Variants in LY86 observed in about 807,000 individuals in gnomAD.
LY86 encodes lymphocyte antigen 86.
In LY86, 20 loss-of-function variants were observed where a neutral mutation model predicts 17.3. The observed-to-expected ratio is 1.15, with a 90% CI of 0.81 to 1.68. The LOEUF is 1.68. Ranked by LOEUF, LY86 falls within the 40% of genes most tolerant of loss-of-function variation. The pLI, the probability that LY86 is intolerant of heterozygous loss-of-function variation, is 0.00. For synonymous variants in LY86, 74 were observed against 70.6 expected, an observed-to-expected ratio of 1.05 and a Z score of -0.24; for missense variants, 200 against 191.9, an observed-to-expected ratio of 1.04 and a Z score of -0.25.
intron 1 of LY86, among the ~76,000 whole-genome samples, chr6:6,613,020 G>C (rs1761427877): frequency 6.6e-6 from 1 of 152,112 alleles, no homozygotes; most frequent in Admixed American, 6.5e-5. Context: ...GTGCTGATTG[G>C]TGTATTTACA....
At chr6:6,637,015 T>G (rs1034913353) in intron 3 of LY86, among the ~76,000 whole-genome samples, 6 of 148,556 alleles carry the variant, frequency 4.0e-5, no homozygotes, top group African/African-American at 9.9e-5. Context: ...TTTTTTTTTT[T>G]TTTTTTTTTT....
At chr6:6,613,770 G>A (rs1761471152) in intron 1 of LY86, among the ~76,000 whole-genome samples, 1 of 152,234 alleles carries the variant, frequency 6.6e-6, no homozygotes, top group Non-Finnish European at 1.5e-5. Flanking sequence ...CCCCAAGAGC[G>A]AGCGAGGGCT....
chr6:6,589,550 C>A (rs537210596), intron 1 of LY86, among the ~76,000 whole-genome samples: 2 of 152,200 alleles, frequency 1.3e-5, no homozygotes, highest in Non-Finnish European at 2.9e-5. Context: ...CAGAACCAAC[C>A]AATCGGGCTG....
At chr6:6,603,868 G>A (rs1581234397) in intron 1 of LY86, among the ~76,000 whole-genome samples, 1 of 145,962 alleles carries the variant, frequency 6.9e-6, no homozygotes, top group African/African-American at 2.7e-5. Flanking sequence ...AATAATAAAA[G>A]AAACAGAAAA....
At chr6:6,606,355 T>C (rs1402096605) in intron 1 of LY86, among the ~76,000 whole-genome samples, 1 of 152,018 alleles carries the variant, frequency 6.6e-6, no homozygotes, top group Non-Finnish European at 1.5e-5. Flanking sequence ...ATCCCTTAGG[T>C]AGACATAAAG....
chr6:6,624,519 CTT>C (rs1441994824), intron 1 of LY86, among the ~76,000 whole-genome samples: 2 of 152,080 alleles, frequency 1.3e-5, no homozygotes, highest in Non-Finnish European at 2.9e-5. Flanking sequence ...GCTCTCCTAA[CTT>C]TTGTATCTCC....
chr6:6,605,800 G>C (rs1450405224), intron 1 of LY86, among the ~76,000 whole-genome samples: 1 of 152,180 alleles, frequency 6.6e-6, no homozygotes, highest in East Asian at 1.9e-4. Flanking sequence ...CTTCCTTTTG[G>C]TGGGGTTCGT....
intron 1 of LY86, among the ~76,000 whole-genome samples, chr6:6,606,036 T>C (rs899931595): frequency 2.0e-5 from 3 of 152,198 alleles, no homozygotes; most frequent in African/African-American, 7.2e-5. Flanking sequence ...CACGTAATAC[T>C]ACTCAAGCAG....
chr6:6,629,683 G>C (rs1249935956), intron 3 of LY86, among the ~76,000 whole-genome samples: 2 of 152,208 alleles, frequency 1.3e-5, no homozygotes, highest in Non-Finnish European at 2.9e-5. Flanking sequence ...AATGGGTCAG[G>C]CTTAGTGAGA....
intron 3 of LY86, among the ~76,000 whole-genome samples, chr6:6,637,173 C>T (rs868805125): frequency 3.3e-5 from 5 of 151,842 alleles, no homozygotes; most frequent in Non-Finnish European, 4.4e-5. Context: ...CCATCACGCT[C>T]GGCTAATTTT....
At chr6:6,624,136 G>C (rs541334514) in intron 1 of LY86, among the ~76,000 whole-genome samples, 119 of 152,272 alleles carry the variant, frequency 7.8e-4, no homozygotes, top group African/African-American at 2.8e-3. Context: ...GTGGGAATGT[G>C]CTGGTGTGTA....
At chr6:6,612,371 A>G (rs1425198007) in intron 1 of LY86, among the ~76,000 whole-genome samples, 1 of 152,166 alleles carries the variant, frequency 6.6e-6, no homozygotes. Flanking sequence ...ATACATTTGG[A>G]GTGTTAATCA....
intron 1 of LY86, among the ~76,000 whole-genome samples, chr6:6,607,167 C>T (rs1456018186): frequency 6.6e-6 from 1 of 152,242 alleles, no homozygotes. Flanking sequence ...ATGTCCTTGA[C>T]CTGGTCTTTT....
At position 6,588,772 on chromosome 6, in the gene LY86, T is replaced by C. The variant is rs1238704164; in HGVS notation, c.38T>C (p.Leu13Pro). Reference sequence around the variant, plus strand: ...ACAGCCACTCTCTTCCTCTGGACTCTGATTTTTCCCAGCTGCAGTGGAGGC... The same window carrying C: ...ACAGCCACTCTCTTCCTCTGGACTCCGATTTTTCCCAGCTGCAGTGGAGGC... ...GFTATLFLWT[L>P]IFPSCSGGGG... The change falls in exon 1 of 5, where the codon CTG becomes CCG. Residue 13 changes from leucine to proline, a missense_variant. Transcript: ENST00000230568. 6.2e-7 allele frequency: 1 copy of C among 1,614,180 alleles called. No individual in the cohort carries two copies. The highest frequency in any genetic ancestry group is 8.5e-7 in the Non-Finnish European group (1 of 1,180,008).
chr6:6,625,968 T>C (rs964289807), intron 2 of LY86, among the ~76,000 whole-genome samples: 5 of 152,178 alleles, frequency 3.3e-5, no homozygotes, highest in African/African-American at 4.8e-5. Flanking sequence ...AATGATACTA[T>C]GCAACTGAGA....
intron 1 of LY86, 130 bp downstream of exon 1, chr6:6,589,000 G>A (rs1760443493): frequency 1.6e-6 from 2 of 1,257,304 alleles, no homozygotes; most frequent in Admixed American, 5.0e-5. Context: ...TTCTCCACCT[G>A]CAGCAGGTCT....
In LY86 at chr6:6,631,498, C is replaced by T. The variant is rs567775638; in HGVS notation, c.352+5077C>T. On this transcript the variant is annotated intron_variant, in intron 3 of 4. Coordinates refer to ENST00000230568, the MANE Select transcript of LY86 (RefSeq NM_004271.4). ...TAGAAATCAAAGGATCATCTTTGGG[C>T]ATAACCAGCCATTATTATAAGGCAG... Among the ~76,000 whole-genome samples, 116 of 152,316 alleles carry T rather than the reference C, an allele frequency of 7.6e-4. 1 individual carries two copies. Among genetic ancestry groups the T allele is most frequent in the Non-Finnish European group, 1.4e-3 (96 of 68,022 alleles).
Position 6,654,827 on chromosome 6 carries a change from T to C in LY86, c.*200T>C. 4 of 568,434 alleles carry C rather than the reference T, an allele frequency of 7.0e-6. No homozygotes were observed. The highest frequency in any genetic ancestry group is 2.3e-5 in the South Asian group (1 of 42,602). 35.2% of individuals were successfully genotyped at this position (568,434 alleles called of 1,614,324 possible). A position where few individuals can be genotyped will look rare whatever the true frequency, so the allele number is the denominator to read the frequency against. Reference sequence around the variant, plus strand: ...CCACAGATGTAATGAAGTCCCCGAATGTATCTGTTTCTAAGGAGCCTCTTG... The same window carrying C: ...CCACAGATGTAATGAAGTCCCCGAACGTATCTGTTTCTAAGGAGCCTCTTG... On this transcript the variant is annotated 3_prime_UTR_variant, in exon 5 of 5. Transcript: ENST00000230568.
intron 1 of LY86, among the ~76,000 whole-genome samples, chr6:6,601,301 CCA>C (rs534706728): frequency 1.3e-3 from 195 of 152,238 alleles, no homozygotes; most frequent in African/African-American, 4.4e-3. Flanking sequence ...TCCTACTAAA[CCA>C]CAGTCATCCC....
Sources: allele counts gnomAD v4.1 joint callset (sites outside exome capture counted in the v4.1 genomes callset), GRCh38; gene constraint gnomAD v4.1.1; transcripts MANE v1.5; gene names NCBI Gene and HGNC (gene_info 2026-07-23, HGNC 2026-07-21).